KAZN: variants seen among roughly 807,000 people sequenced by gnomAD.
KAZN encodes the protein kazrin.
In KAZN, 40 loss-of-function variants were observed where a neutral mutation model predicts 87.4. That is an observed-to-expected ratio of 0.46 (90% CI 0.36 to 0.60). KAZN has a LOEUF of 0.60. Among genes scored for constraint, KAZN ranks in the 20% least tolerant of loss-of-function variants. The probability of loss-of-function intolerance (pLI) is 0.00; values close to 1 mark genes in which losing one functional copy is unlikely to be tolerated. For missense variants in KAZN, 898 were observed against 1,073.9 expected (o/e 0.84, Z 2.29); for synonymous variants, 466 against 458.3 (o/e 1.02, Z -0.22).
intron 1 of KAZN, among the ~76,000 whole-genome samples, chr1:14,610,155 T>G (rs1333546304): frequency 6.6e-6 from 1 of 152,206 alleles, no homozygotes; most frequent in African/African-American, 2.4e-5. Context: ...CTCATTTCAG[T>G]GGGGTTTTAC....
At chr1:14,424,342 G>A (rs991687724) in intron 2 of KAZN, among the ~76,000 whole-genome samples, 16 of 152,162 alleles carry the variant, frequency 1.1e-4, no homozygotes, top group Non-Finnish European at 1.8e-4. Context: ...TGAGACAACC[G>A]TGGCAGGGAG....
At chr1:13,973,598 T>C (rs1181950687) in intron 1 of KAZN, among the ~76,000 whole-genome samples, 1 of 152,214 alleles carries the variant, frequency 6.6e-6, no homozygotes, top group African/African-American at 2.4e-5. Context: ...AGCTTTCCAG[T>C]GTTTGTAGCC....
At chr1:14,152,074 G>T (rs993049746) in intron 1 of KAZN, among the ~76,000 whole-genome samples, 10 of 152,016 alleles carry the variant, frequency 6.6e-5, no homozygotes, top group African/African-American at 2.4e-4. Flanking sequence ...TATATTTATG[G>T]GGTATGTGAG....
intron 2 of KAZN, among the ~76,000 whole-genome samples, chr1:15,014,189 C>T (rs1217772095): frequency 6.6e-6 from 1 of 152,062 alleles, no homozygotes. Context: ...ACCCCCAGAG[C>T]CATCCACACC....
chr1:14,239,671 G>T (rs1162658021), intron 2 of KAZN, among the ~76,000 whole-genome samples: 2 of 151,738 alleles, frequency 1.3e-5, no homozygotes, highest in African/African-American at 2.4e-5. Context: ...TGTTGGTCAG[G>T]CTGGTCTCGA....
chr1:14,869,616 C>T (rs1489698739), intron 1 of KAZN, among the ~76,000 whole-genome samples: 1 of 152,198 alleles, frequency 6.6e-6, no homozygotes, highest in Non-Finnish European at 1.5e-5. Flanking sequence ...TTCTCCTCTG[C>T]ACTCTGAGGA....
rs377582751 is a variant in KAZN at position 14,267,061 on chromosome 1, C to T, written c.249+86469C>T. Among the ~76,000 whole-genome samples the T allele has an allele frequency of 1.1e-4, 16 of 139,262 alleles. No homozygotes were observed. In the South Asian group the frequency reaches 2.8e-3, roughly 24 times the overall value. 91.4% of individuals were successfully genotyped at this position (139,262 alleles called of 152,430 possible). A position where few individuals can be genotyped will look rare whatever the true frequency, so the allele number is the denominator to read the frequency against. On this transcript the variant is annotated intron_variant, in intron 2 of 16. Coordinates refer to the KAZN transcript ENST00000636203. ...CCTCCCTCCACCCCACAACAGTCCC[C>T]GCTGGTGTGTGATGTTCCCAAATTT...
chr1:13,924,654 T>C (rs973252304), intron 1 of KAZN, among the ~76,000 whole-genome samples: 2 of 152,230 alleles, frequency 1.3e-5, no homozygotes, highest in Non-Finnish European at 2.9e-5. Flanking sequence ...CATTTGTGTC[T>C]TATCTACCTA....
chr1:14,997,365 C>G (rs1228639661), intron 2 of KAZN, among the ~76,000 whole-genome samples: 4 of 151,894 alleles, frequency 2.6e-5, no homozygotes, highest in African/African-American at 9.7e-5. Flanking sequence ...CTCAGCCTCC[C>G]GAGTAGCTGG....
intron 2 of KAZN, among the ~76,000 whole-genome samples, chr1:14,592,106 A>G (rs1464730024): frequency 6.6e-6 from 1 of 152,158 alleles, no homozygotes; most frequent in African/African-American, 2.4e-5. Context: ...CCTTTTCCCC[A>G]GAGCACATGT....
At position 14,550,662 on chromosome 1, in the gene KAZN, A is replaced by T. The variant is rs149739197; in HGVS notation, c.250-48321A>T. ...TAACGAATAAGTTAATTAGCAGCAG[A>T]CAAAACCTAAACAATCTAAGTTCCC... On this transcript the variant is annotated intron_variant, in intron 2 of 16. Transcript: ENST00000636203. 2.3e-3 allele frequency among the ~76,000 whole-genome samples: 348 copies of T among 151,084 alleles called. 1 individual carries two copies. The highest frequency in any genetic ancestry group is 3.0e-3 in the Non-Finnish European group (206 of 67,886).
intron 2 of KAZN, among the ~76,000 whole-genome samples, chr1:15,019,388 GTTGT>G (rs936536542): frequency 1.1e-4 from 17 of 152,224 alleles, no homozygotes; most frequent in African/African-American, 2.9e-4. Context: ...TCTTCATTTG[GTTGT>G]TTGTTTGTTT....
At chr1:14,626,696 T>C (rs1211658502) in intron 1 of KAZN, among the ~76,000 whole-genome samples, 2 of 152,116 alleles carry the variant, frequency 1.3e-5, no homozygotes, top group Non-Finnish European at 2.9e-5. Flanking sequence ...CCTCAACTCC[T>C]TACCGTGGCT....
At chr1:14,045,132 G>A (rs1218110252) in intron 1 of KAZN, among the ~76,000 whole-genome samples, 8 of 152,204 alleles carry the variant, frequency 5.3e-5, no homozygotes, top group Admixed American at 4.6e-4. Flanking sequence ...CACCTCAGCT[G>A]AGACCACTTG....
At chr1:14,113,816 T>G (rs1644550300) in intron 1 of KAZN, among the ~76,000 whole-genome samples, 1 of 152,184 alleles carries the variant, frequency 6.6e-6, no homozygotes, top group African/African-American at 2.4e-5. Context: ...CTCAATGACA[T>G]TATTTATGCC....
intron 2 of KAZN, among the ~76,000 whole-genome samples, chr1:14,591,436 CA>C (rs1243511973): frequency 6.6e-6 from 1 of 151,936 alleles, no homozygotes; most frequent in Non-Finnish European, 1.5e-5. Flanking sequence ...CACACACACA[CA>C]CACACACACA....
chr1:14,448,510 C>G (rs754968490), intron 2 of KAZN, among the ~76,000 whole-genome samples: 2 of 152,228 alleles, frequency 1.3e-5, no homozygotes, highest in Non-Finnish European at 2.9e-5. Context: ...ACTCTTTCTT[C>G]CCTTTTAAAA....
At chr1:13,961,656 T>C (rs572707581) in intron 1 of KAZN, among the ~76,000 whole-genome samples, 1 of 152,134 alleles carries the variant, frequency 6.6e-6, no homozygotes. Context: ...TCACTCAGGG[T>C]GACATTGAAG....
chr1:14,583,762 G>A (rs563477525), intron 2 of KAZN, among the ~76,000 whole-genome samples: 21 of 152,304 alleles, frequency 1.4e-4, no homozygotes, highest in Admixed American at 2.6e-4. Flanking sequence ...TATCCACTCT[G>A]CAGGCTAGGG....
Sources: allele counts gnomAD v4.1 joint callset (sites outside exome capture counted in the v4.1 genomes callset), GRCh38; gene constraint gnomAD v4.1.1; transcripts MANE v1.5; gene names NCBI Gene and HGNC (gene_info 2026-07-23, HGNC 2026-07-21).